Variants in SFXN3 observed in about 807,000 individuals in gnomAD.
The protein encoded by SFXN3 is sideroflexin 3, also known as sideroflexin-3.
SFXN3 carries 31 observed loss-of-function variants against 40.4 expected under a neutral mutation model. The observed-to-expected ratio is 0.77, with a 90% CI of 0.58 to 1.04. The LOEUF is 1.04. Among genes scored for constraint, SFXN3 ranks in the 50% least tolerant of loss-of-function variants. The probability of loss-of-function intolerance (pLI) is 0.00; values close to 1 mark genes in which losing one functional copy is unlikely to be tolerated. For missense variants in SFXN3, 366 were observed against 408.2 expected, an observed-to-expected ratio of 0.90 and a Z score of 0.89; for synonymous variants, 157 against 160.0, an observed-to-expected ratio of 0.98 and a Z score of 0.14.
intron 10 of SFXN3, 90 bp downstream of exon 10, chr10:101,038,782 A>G: frequency 1.9e-6 from 3 of 1,579,868 alleles, no homozygotes; most frequent in Non-Finnish European, 2.6e-6. Flanking sequence ...AGATGTTTAT[A>G]GACATCATCC....
rs747242755 is a variant in SFXN3, at chr10:101,034,731, C to G, written c.37C>G (p.Pro13Ala). ...GCCTTTAGACATCAACATCCAGGAA[C>G]CTCGCTGGGACCAAAGTACTTTCCT... Residue 13 changes from proline to alanine, a missense_variant, in exon 3 of 12, where the codon CCT becomes GCT. Transcript: ENST00000393459. 8 of 1,614,008 alleles carry G rather than the reference C, an allele frequency of 5.0e-6. No individual in the cohort carries two copies. The East Asian group carries it at 1.6e-4, about 31-fold the overall frequency.
intron 4 of SFXN3, 108 bp downstream of exon 4, chr10:101,035,775 A>T: frequency 7.0e-7 from 1 of 1,431,182 alleles, no homozygotes; most frequent in Non-Finnish European, 9.5e-7. Flanking sequence ...TTGTGTCAGA[A>T]TCGCTTCCAT....
exon 4 of SFXN3, chr10:101,035,562 C>A: frequency 6.2e-7 from 1 of 1,614,050 alleles, no homozygotes; most frequent in African/African-American, 1.3e-5. Context: ...GTGTATGACT[C>A]CGCCTTCCAT....
At chr10:101,034,712 A>G (rs1352498854) in exon 3 of SFXN3, 26 of 1,614,082 alleles carry the variant, frequency 1.6e-5, no homozygotes, top group Non-Finnish European at 2.1e-5. Flanking sequence ...AATTGCCTTT[A>G]GACATCAACA....
chr10:101,039,091 A>G lies in SFXN3; in HGVS notation c.822-84A>G. ...TTATCAATCTCCACCCCTAGGGCCT[A>G]TCTCCAAGGATGGGGTGGGGTGCAG... On this transcript the variant is annotated intron_variant, in intron 10 of 11. Transcript: ENST00000393459. The surrounding 1 kb of genome is among the most constrained non-coding windows in gnomAD (Gnocchi z 4.6). 1 of 1,207,404 alleles carries G rather than the reference A, an allele frequency of 8.3e-7. No individual in the cohort carries two copies. The highest frequency in any genetic ancestry group is 1.2e-6 in the Non-Finnish European group (1 of 815,306). 74.8% of individuals were successfully genotyped at this position (1,207,404 alleles called of 1,614,324 possible).
chr10:101,039,553 G>A lies in SFXN3; in HGVS notation c.934G>A (p.Val312Ile), dbSNP rs529625773. 1.2e-4 allele frequency: 199 copies of A among 1,614,156 alleles called. No individual in the cohort carries two copies. In the South Asian group the frequency reaches 1.5e-3, roughly 12 times the overall value. ...TCAGATCCATGAGCAAAACCCCAGC[G>A]TTGAAGTGGTCTACTACAACAAGGG... The change falls in exon 12 of 12, where the codon GTT (valine) becomes ATT (isoleucine). Residue 312 changes from valine to isoleucine, a missense_variant. Physicochemically the swap from Val to Ile is conservative, Grantham distance 29. Coordinates refer to ENST00000393459, the Ensembl canonical transcript of SFXN3. This position sits in a 1 kb window ranked among gnomAD's most constrained non-coding sequence, Gnocchi z 4.6.
At chr10:101,038,428 G>A (rs1938723910) in intron 9 of SFXN3, 1 of 1,432,666 alleles carries the variant, frequency 7.0e-7, no homozygotes, top group East Asian at 2.5e-5. Context: ...AGAGGTCATG[G>A]GATGCCGGGG....
At chr10:101,040,374 C>T (rs1380406827) in exon 12 of SFXN3, 2 of 152,200 alleles carry the variant, frequency 1.3e-5, no homozygotes, top group African/African-American at 4.8e-5. Flanking sequence ...CTAAATCCTC[C>T]AATCCCAACT....
chr10:101,032,606 G>A (rs1938336362), intron 2 of SFXN3, 124 bp downstream of exon 2: 1 of 1,128,502 alleles, frequency 8.9e-7, no homozygotes, highest in South Asian at 1.9e-5. Context: ...CAAGTCCACA[G>A]GGCACAAGGG....
At position 101,036,058 on chromosome 10, in the gene SFXN3, G is replaced by T; in HGVS notation, c.388G>T (p.Val130Phe). 6.2e-7 allele frequency: 1 copy of T among 1,614,084 alleles called. No homozygotes were observed. The highest frequency in any genetic ancestry group is 2.2e-5 in the East Asian group (1 of 44,878). Reference sequence around the variant, plus strand: ...GGTGAATCAGTCCTTCAATGCCATTGTTAACTACTCCAACCGCAGTGGTGA... The same window carrying T: ...GGTGAATCAGTCCTTCAATGCCATTTTTAACTACTCCAACCGCAGTGGTGA... Residue 130 changes from valine to phenylalanine, a missense_variant, in exon 5 of 12, where the codon GTT becomes TTT. Val to Phe is a conservative substitution (Grantham distance 50, BLOSUM62 -1). Coordinates refer to ENST00000393459, the Ensembl canonical transcript of SFXN3. This position sits in a 1 kb window ranked among gnomAD's most constrained non-coding sequence, Gnocchi z 4.2.
exon 4 of SFXN3, chr10:101,035,529 A>G: frequency 1.2e-6 from 2 of 1,612,034 alleles, no homozygotes; most frequent in Non-Finnish European, 1.7e-6. Context: ...ATCACCGAGG[A>G]CCAGCTGTGG....
At position 101,032,179 on chromosome 10, in the gene SFXN3, G is replaced by GC. The variant is rs1411008378; in HGVS notation, c.-172-131dup. The stretch of plus-strand genomic sequence containing the variant: ...CAAGGGAGCAGCGCCCGCGGCTCCA[G>GC]CCCCTCCTCCCTTTGGCTGGGGAGG... On this transcript the variant is annotated intron_variant, in intron 1 of 11. Coordinates refer to ENST00000393459, the Ensembl canonical transcript of SFXN3. 5.6e-4 allele frequency: 212 copies of GC among 377,814 alleles called. 1 individual carries two copies. Among genetic ancestry groups the GC allele is most frequent in the Non-Finnish European group, 1.9e-5 (4 of 210,496 alleles). 23.4% of individuals were successfully genotyped at this position (377,814 alleles called of 1,614,324 possible).
chr10:101,039,113 G>A lies in SFXN3; in HGVS notation c.822-62G>A. ...CCTATCTCCAAGGATGGGGTGGGGTGCAGGGAGGGAACACCCTAAGGCCAA... is the reference window on the plus strand; with the variant it reads ...CCTATCTCCAAGGATGGGGTGGGGTACAGGGAGGGAACACCCTAAGGCCAA... On this transcript the variant is annotated intron_variant, in intron 10 of 11. Transcript: ENST00000393459. The surrounding 1 kb of genome is among the most constrained non-coding windows in gnomAD (Gnocchi z 4.6). 5.0e-6 allele frequency: 7 copies of A among 1,411,730 alleles called. No homozygotes were observed. The highest frequency in any genetic ancestry group is 3.5e-5 in the South Asian group (3 of 86,670). 87.5% of individuals were successfully genotyped at this position (1,411,730 alleles called of 1,614,324 possible). A position where few individuals can be genotyped will look rare whatever the true frequency, so the allele number is the denominator to read the frequency against.
Position 101,039,227 on chromosome 10 carries a change from G to GC in SFXN3, c.869+5_869+6insC, listed in dbSNP as rs1938776728. 2 of 1,603,766 alleles carry GC rather than the reference G, an allele frequency of 1.2e-6. No individual in the cohort carries two copies. The highest frequency in any genetic ancestry group is 1.3e-5 in the African/African-American group (1 of 74,474). ...TGCCCTATTCCCCCAGAAGAGGTAAGTGCTGTCCCTGGGCTGGGTGGGGGA... is the reference window on the plus strand; with the variant it reads ...TGCCCTATTCCCCCAGAAGAGGTAAGCTGCTGTCCCTGGGCTGGGTGGGGGA... On this transcript the variant is annotated splice_donor_region_variant and intron_variant, in intron 11 of 11. Coordinates refer to ENST00000393459, the Ensembl canonical transcript of SFXN3. This position sits in a 1 kb window ranked among gnomAD's most constrained non-coding sequence, Gnocchi z 4.6.
At chr10:101,035,420 T>C in intron 3 of SFXN3, 77 bp from the exon 4 acceptor site, 3 of 1,500,906 alleles carry the variant, frequency 2.0e-6, no homozygotes, top group Non-Finnish European at 2.7e-6. Context: ...AGAGTTACCC[T>C]GAGCTGGGCA....
intron 2 of SFXN3, among the ~76,000 whole-genome samples, chr10:101,034,366 A>C (rs764188242): frequency 6.6e-6 from 1 of 152,240 alleles, no homozygotes; most frequent in African/African-American, 2.4e-5. Flanking sequence ...CCTTGATTTT[A>C]TACAACACAT....
At chr10:101,033,577 G>A (rs540594663) in intron 2 of SFXN3, among the ~76,000 whole-genome samples, 81 of 152,266 alleles carry the variant, frequency 5.3e-4, no homozygotes, top group African/African-American at 1.9e-3. Context: ...ATTTCTAGTA[G>A]GGTGGGACAA....
At chr10:101,033,645 C>T (rs1254831443) in intron 2 of SFXN3, among the ~76,000 whole-genome samples, 1 of 152,172 alleles carries the variant, frequency 6.6e-6, no homozygotes, top group Non-Finnish European at 1.5e-5. Context: ...ACAGTGGGCC[C>T]AGGGGACCGG....
rs200170974 is a variant in SFXN3 at position 101,038,661 on chromosome 10, G to C, written c.790G>C (p.Ala264Pro). ...TCCACAGCGCCGCCCCTGGCTGGGG[G>C]CACCCCTGCAGGTGGGACTGGTGGG... The change falls in exon 10 of 12, where the codon GCA becomes CCA. Residue 264 changes from alanine to proline, a missense_variant. Coordinates refer to ENST00000393459, the Ensembl canonical transcript of SFXN3. 2.7e-5 allele frequency: 44 copies of C among 1,613,074 alleles called. No homozygotes were observed. Among genetic ancestry groups the C allele is most frequent in the Non-Finnish European group, 3.6e-5 (43 of 1,180,018 alleles).
Sources: gnomAD v4.1 joint callset for allele counts (sites outside exome capture counted in the v4.1 genomes callset) on GRCh38, gnomAD v4.1.1 for gene constraint, Gnocchi (gnomAD v3.1) non-coding constraint, MANE v1.5 for transcripts, NCBI Gene and HGNC (gene_info 2026-07-23, HGNC 2026-07-21) for gene names.